Variants in SBF2 observed in about 807,000 individuals in gnomAD.
SBF2 encodes SET binding factor 2, also known as myotubularin-related protein 13.
Under a neutral mutation model 225.2 loss-of-function variants are expected in SBF2, and 112 were observed. The observed-to-expected ratio is 0.50, with a 90% CI of 0.43 to 0.58. The LOEUF (loss-of-function observed/expected upper bound fraction) is 0.58, where lower values mean the gene tolerates loss of function less well. Ranked by LOEUF, SBF2 falls within the 20% of genes least tolerant of loss-of-function variation. The pLI, the probability that SBF2 is intolerant of heterozygous loss-of-function variation, is 0.00. For missense variants in SBF2, 1,996 were observed against 2,206.2 expected (o/e 0.90, Z 1.91); for synonymous variants, 763 against 773.3 (o/e 0.99, Z 0.22).
At chr11:10,222,318 A>G (rs973055452) in intron 1 of SBF2, among the ~76,000 whole-genome samples, 5 of 152,250 alleles carry the variant, frequency 3.3e-5, no homozygotes, top group African/African-American at 9.6e-5. Flanking sequence ...AACTAACTCC[A>G]GGATGATCCA....
intron 17 of SBF2, among the ~76,000 whole-genome samples, chr11:9,859,865 T>C (rs1857587165): frequency 6.6e-6 from 1 of 152,242 alleles, no homozygotes; most frequent in Admixed American, 6.5e-5. Flanking sequence ...CTACATGCCA[T>C]CTGTAAGACC....
At chr11:9,998,775 G>A (rs1051300643) in intron 8 of SBF2, among the ~76,000 whole-genome samples, 5 of 152,178 alleles carry the variant, frequency 3.3e-5, no homozygotes, top group African/African-American at 1.2e-4. Context: ...CAAGAAGGAA[G>A]GAAACTTGGA....
At chr11:9,939,031 G>T (rs1341134530) in intron 16 of SBF2, among the ~76,000 whole-genome samples, 1 of 152,016 alleles carries the variant, frequency 6.6e-6, no homozygotes, top group Non-Finnish European at 1.5e-5. Flanking sequence ...GTATACATAA[G>T]CAAGTCAAAG....
At chr11:10,280,511 A>T (rs781644077) in intron 1 of SBF2, among the ~76,000 whole-genome samples, 1 of 152,194 alleles carries the variant, frequency 6.6e-6, no homozygotes, top group Admixed American at 6.5e-5. Flanking sequence ...ACTGAGAGCA[A>T]TAATAAGCCA....
chr11:10,068,336 T>C (rs575320514), intron 2 of SBF2, among the ~76,000 whole-genome samples: 11 of 152,354 alleles, frequency 7.2e-5, no homozygotes, highest in Non-Finnish European at 1.6e-4. Flanking sequence ...CTTTTCTGTT[T>C]GAATCCAAGG....
intron 6 of SBF2, among the ~76,000 whole-genome samples, chr11:10,006,339 G>C: frequency 6.6e-6 from 1 of 152,128 alleles, no homozygotes; most frequent in East Asian, 1.9e-4. Flanking sequence ...CTCTAATCCT[G>C]CCTCTGTCTG....
intron 1 of SBF2, among the ~76,000 whole-genome samples, chr11:10,284,843 C>G (rs1963640365): frequency 6.6e-6 from 1 of 151,562 alleles, no homozygotes; most frequent in Non-Finnish European, 1.5e-5. Flanking sequence ...AGACTGGTCT[C>G]AAATTCCTGG....
At chr11:10,230,204 C>T (rs1244668673) in intron 1 of SBF2, among the ~76,000 whole-genome samples, 2 of 152,108 alleles carry the variant, frequency 1.3e-5, no homozygotes, top group Non-Finnish European at 2.9e-5. Context: ...CTATGTGTGT[C>T]GCTGCATGTG....
intron 2 of SBF2, among the ~76,000 whole-genome samples, chr11:10,045,678 TTATGCACAAGTC>T (rs1949833813): frequency 6.6e-6 from 1 of 152,206 alleles, no homozygotes; most frequent in South Asian, 2.1e-4. Context: ...TCAATGAATA[TTATGCACAAGTC>T]TATGCCCACA....
At chr11:9,882,083 A>C (rs999917434) in intron 17 of SBF2, among the ~76,000 whole-genome samples, 3 of 152,234 alleles carry the variant, frequency 2.0e-5, no homozygotes, top group Admixed American at 6.5e-5. Context: ...CAAGTTGTTA[A>C]ACATGCAATT....
At chr11:9,843,559 G>A (rs1056371853) in intron 24 of SBF2, among the ~76,000 whole-genome samples, 2 of 152,198 alleles carry the variant, frequency 1.3e-5, no homozygotes, top group African/African-American at 4.8e-5. Context: ...TGAAGACTCT[G>A]AAGACTGTTC....
intron 2 of SBF2, among the ~76,000 whole-genome samples, chr11:10,143,073 T>C (rs1300882572): frequency 1.3e-5 from 2 of 152,186 alleles, no homozygotes; most frequent in Non-Finnish European, 2.9e-5. Context: ...CTTAAATTAT[T>C]GCCAATTCTA....
chr11:9,808,806 A>G (rs1303990904), intron 31 of SBF2, 95 bp downstream of exon 31: 2 of 914,070 alleles, frequency 2.2e-6, no homozygotes, highest in South Asian at 1.4e-5. Flanking sequence ...CCATAAACAC[A>G]TTAGTCATTA....
intron 2 of SBF2, among the ~76,000 whole-genome samples, chr11:10,045,062 GT>G (rs1411972242): frequency 6.6e-6 from 1 of 152,064 alleles, no homozygotes; most frequent in East Asian, 1.9e-4. Context: ...GACCCTAGCT[GT>G]TTTTGTAACG....
At chr11:10,109,745 T>C (rs1952745514) in intron 2 of SBF2, among the ~76,000 whole-genome samples, 1 of 152,252 alleles carries the variant, frequency 6.6e-6, no homozygotes, top group African/African-American at 2.4e-5. Flanking sequence ...TGGTTACCAA[T>C]GATCATTACC....
intron 13 of SBF2, among the ~76,000 whole-genome samples, chr11:9,969,266 G>T (rs1173293397): frequency 6.6e-6 from 1 of 152,112 alleles, no homozygotes; most frequent in African/African-American, 2.4e-5. Context: ...ACAACACTTT[G>T]GTTCAAGTCA....
At chr11:9,985,812 T>C (rs1043325170) in intron 13 of SBF2, among the ~76,000 whole-genome samples, 5 of 149,258 alleles carry the variant, frequency 3.3e-5, no homozygotes, top group African/African-American at 1.2e-4. Flanking sequence ...AGAAATGAGA[T>C]AGACAGCAAC....
chr11:10,289,700 C>T (rs186078169), intron 1 of SBF2, among the ~76,000 whole-genome samples: 40 of 152,240 alleles, frequency 2.6e-4, no homozygotes, highest in African/African-American at 8.7e-4. Context: ...CACAGGAACC[C>T]GGTGCCCTCG....
chr11:9,951,639 G>A (rs575759167), intron 16 of SBF2, among the ~76,000 whole-genome samples: 1 of 152,298 alleles, frequency 6.6e-6, no homozygotes, highest in East Asian at 1.9e-4. Context: ...ATTTCTTTAA[G>A]TCTATTTCCA....
Sources: gnomAD v4.1 joint callset for allele counts (sites outside exome capture counted in the v4.1 genomes callset) on GRCh38, gnomAD v4.1.1 for gene constraint, MANE v1.5 for transcripts, NCBI Gene and HGNC (gene_info 2026-07-23, HGNC 2026-07-21) for gene names.